The following NLGN1 variants were observed in gnomAD, a reference collection of about 807,000 sequenced individuals.
NLGN1 encodes neuroligin 1.
NLGN1 carries 12 observed loss-of-function variants against 65.5 expected under a neutral mutation model. That is an observed-to-expected ratio of 0.18 (90% confidence interval 0.12 to 0.30). NLGN1 has a LOEUF of 0.30. NLGN1 is among the 10% of genes least tolerant of loss of function. NLGN1 has a pLI of 1.00. For missense variants in NLGN1, 750 were observed against 1,007.1 expected, an observed-to-expected ratio of 0.74 and a Z score of 3.46; for synonymous variants, 350 against 359.5, an observed-to-expected ratio of 0.97 and a Z score of 0.30.
chr3:174,082,871 C>A (rs1176808503), intron 4 of NLGN1, among the ~76,000 whole-genome samples: 2 of 152,046 alleles, frequency 1.3e-5, no homozygotes, highest in Non-Finnish European at 2.9e-5. Context: ...CAGGCATGCA[C>A]CACCACGCCC....
chr3:174,102,817 T>C (rs1712842788), intron 4 of NLGN1, among the ~76,000 whole-genome samples: 1 of 151,404 alleles, frequency 6.6e-6, no homozygotes. Context: ...AATAGTCTAT[T>C]AGATTCGCCA....
chr3:173,706,438 T>G lies in NLGN1; in HGVS notation c.494-101242T>G, dbSNP rs1768054681. Among the ~76,000 whole-genome samples the G allele has an allele frequency of 1.3e-5, 2 of 152,330 alleles. 1 individual carries two copies. The highest frequency in any genetic ancestry group is 4.1e-4 in the South Asian group (2 of 4,834). ...CATATGTCTTTGCGTACTTGTTCAATTATCTCATTAGTATGGGTTCCTAGA... is the reference window on the plus strand; with the variant it reads ...CATATGTCTTTGCGTACTTGTTCAAGTATCTCATTAGTATGGGTTCCTAGA... On this transcript the variant is annotated intron_variant, in intron 3 of 6. Transcript: ENST00000457714.
At chr3:174,237,502 G>A (rs781279987) in intron 4 of NLGN1, among the ~76,000 whole-genome samples, 5 of 152,082 alleles carry the variant, frequency 3.3e-5, no homozygotes, top group Non-Finnish European at 5.9e-5. Flanking sequence ...TCTGAGCCAA[G>A]CATATCTGAA....
chr3:173,983,737 A>T (rs1015327079), intron 4 of NLGN1, among the ~76,000 whole-genome samples: 4 of 152,106 alleles, frequency 2.6e-5, no homozygotes, highest in African/African-American at 9.7e-5. Context: ...GTCTCAGTTC[A>T]AGTGTCACCT....
At chr3:173,722,470 C>A (rs530646874) in intron 3 of NLGN1, among the ~76,000 whole-genome samples, 131 of 152,008 alleles carry the variant, frequency 8.6e-4, no homozygotes, top group African/African-American at 3.1e-3. Context: ...TCGAACTCCT[C>A]ACCTCGTGAT....
At chr3:173,691,299 G>A in intron 3 of NLGN1, among the ~76,000 whole-genome samples, 1 of 152,082 alleles carries the variant, frequency 6.6e-6, no homozygotes, top group Non-Finnish European at 1.5e-5. Context: ...TCAAGCCAAT[G>A]CGTTCTCTCT....
At chr3:174,226,653 T>G (rs1739759804) in intron 4 of NLGN1, among the ~76,000 whole-genome samples, 1 of 152,172 alleles carries the variant, frequency 6.6e-6, no homozygotes, top group Admixed American at 6.5e-5. Flanking sequence ...TTCCTCTACT[T>G]TTTAAGTATT....
chr3:173,777,095 C>G (rs1780410874), intron 3 of NLGN1, among the ~76,000 whole-genome samples: 1 of 151,936 alleles, frequency 6.6e-6, no homozygotes, highest in African/African-American at 2.4e-5. Context: ...GTTATTTCAT[C>G]TTTCTAGAAG....
At chr3:173,896,951 C>T (rs1021693462) in intron 4 of NLGN1, among the ~76,000 whole-genome samples, 7 of 152,156 alleles carry the variant, frequency 4.6e-5, no homozygotes, top group South Asian at 2.1e-4. Context: ...GCCCTGATTA[C>T]CACACTTACT....
At chr3:174,141,071 A>C (rs572617713) in intron 4 of NLGN1, among the ~76,000 whole-genome samples, 53 of 152,254 alleles carry the variant, frequency 3.5e-4, no homozygotes, top group African/African-American at 1.2e-3. Flanking sequence ...TTCTTAGCTC[A>C]TCTTATAATT....
At chr3:174,240,562 C>G (rs1263124595) in intron 4 of NLGN1, among the ~76,000 whole-genome samples, 3 of 152,054 alleles carry the variant, frequency 2.0e-5, no homozygotes, top group Non-Finnish European at 2.9e-5. Flanking sequence ...AAAAACAAAA[C>G]CAACAATAGG....
At chr3:173,884,222 A>G (rs1733908237) in intron 4 of NLGN1, among the ~76,000 whole-genome samples, 1 of 152,148 alleles carries the variant, frequency 6.6e-6, no homozygotes, top group Admixed American at 6.5e-5. Flanking sequence ...GGGAGATAAA[A>G]CCATAAACTG....
intron 3 of NLGN1, among the ~76,000 whole-genome samples, chr3:173,797,396 T>A (rs1224451117): frequency 2.6e-5 from 4 of 152,194 alleles, no homozygotes; most frequent in Non-Finnish European, 5.9e-5. Context: ...ACTGCTGTAA[T>A]TCGTACTATG....
intron 3 of NLGN1, among the ~76,000 whole-genome samples, chr3:173,772,228 T>C (rs1317712663): frequency 1.3e-5 from 2 of 152,224 alleles, no homozygotes; most frequent in Non-Finnish European, 2.9e-5. Flanking sequence ...CTTTTTTTAT[T>C]TGAAAGAGCA....
intron 4 of NLGN1, among the ~76,000 whole-genome samples, chr3:173,945,725 AG>A (rs1747021761): frequency 6.6e-6 from 1 of 152,156 alleles, no homozygotes; most frequent in Non-Finnish European, 1.5e-5. Context: ...CATTTATGAG[AG>A]GTTTAGTCTT....
chr3:173,406,264 A>G (rs189631499), intron 1 of NLGN1, among the ~76,000 whole-genome samples: 1 of 151,994 alleles, frequency 6.6e-6, no homozygotes, highest in African/African-American at 2.4e-5. Flanking sequence ...AAGAAAATGC[A>G]TTTTCCACCA....
chr3:173,756,996 C>T (rs1231978866), intron 3 of NLGN1, among the ~76,000 whole-genome samples: 2 of 151,880 alleles, frequency 1.3e-5, no homozygotes, highest in African/African-American at 4.8e-5. Flanking sequence ...ACCAATGCTT[C>T]GGTGGCAACT....
At chr3:174,007,689 T>C (rs1344227892) in intron 4 of NLGN1, among the ~76,000 whole-genome samples, 1 of 152,188 alleles carries the variant, frequency 6.6e-6, no homozygotes, top group East Asian at 1.9e-4. Flanking sequence ...TATAGTGAAA[T>C]GATAACTACT....
intron 4 of NLGN1, among the ~76,000 whole-genome samples, chr3:173,960,031 GA>G (rs1205996818): frequency 1.3e-5 from 2 of 151,872 alleles, no homozygotes; most frequent in Non-Finnish European, 2.9e-5. Context: ...TATGACATTC[GA>G]AAACATTTTC....
Sources: gnomAD v4.1 joint callset for allele counts (sites outside exome capture counted in the v4.1 genomes callset) on GRCh38, gnomAD v4.1.1 for gene constraint, MANE v1.5 for transcripts, NCBI Gene and HGNC (gene_info 2026-07-23, HGNC 2026-07-21) for gene names.